The following VKORC1 variants were observed in gnomAD, a reference collection of about 807,000 sequenced individuals.
The protein encoded by VKORC1 is vitamin K epoxide reductase complex subunit 1.
In VKORC1, 12 loss-of-function variants were observed where a neutral mutation model predicts 14.8. The ratio of observed to expected loss-of-function variants is 0.81; its 90% CI spans 0.52 to 1.31. The LOEUF is 1.31. Among genes scored for constraint, VKORC1 ranks in the 50% most tolerant of loss-of-function variants. The pLI, the probability that VKORC1 is intolerant of heterozygous loss-of-function variation, is 0.00. For missense variants in VKORC1, 223 were observed against 215.3 expected (o/e 1.04, Z -0.22); for synonymous variants, 94 against 92.5 (o/e 1.02, Z -0.09).
chr16:31,093,332 T>C lies in VKORC1; in HGVS notation c.263A>G (p.Tyr88Cys). Reference protein sequence around the residue: ...QSNSIFGCIFYTLQLLLGCLR... With the variant: ...QSNSIFGCIFCTLQLLLGCLR... ...CTCACCTAACAATAGCTGTAGTGTG[T>C]AGAAGATGCAACCGAATATGCTGTT... The change falls in exon 2 of 3, where the codon TAC becomes TGC. Residue 88 changes from tyrosine to cysteine, a missense_variant. Coordinates refer to ENST00000394975, the MANE Select transcript of VKORC1 (RefSeq NM_024006.6). 1.2e-6 allele frequency: 2 copies of C among 1,613,964 alleles called. No homozygotes were observed. Among genetic ancestry groups the C allele is most frequent in the Non-Finnish European group, 1.7e-6 (2 of 1,180,010 alleles).
At chr16:31,093,180 GGACGCTCC>G (rs923716073) in intron 2 of VKORC1, 124 bp downstream of exon 2, 9 of 959,236 alleles carry the variant, frequency 9.4e-6, no homozygotes, top group African/African-American at 1.6e-5. Flanking sequence ...CCCACCCGCA[GGACGCTCC>G]GTGATGAGCA....
Position 31,094,560 on chromosome 16 carries a change from G to A in VKORC1, c.170C>T (p.Ser57Phe). The change falls in exon 1 of 3, where the codon TCC becomes TTC. Residue 57 changes from serine to phenylalanine, a missense_variant. Ser to Phe is a radical substitution (Grantham distance 155). Transcript: ENST00000394975. ...CGCCTCCCACTCCCGTGCACACCTG[G>A]AGGAGAAGACGCGCGAACAGCTGAT... Reference protein sequence around the residue: ...TAISCSRVFSSRWGRGFGLVE... With the variant: ...TAISCSRVFSFRWGRGFGLVE... 1 of 1,612,232 alleles carries A rather than the reference G, an allele frequency of 6.2e-7. No individual in the cohort carries two copies. Among genetic ancestry groups the A allele is most frequent in the South Asian group, 1.1e-5 (1 of 90,968 alleles).
Position 31,091,117 on chromosome 16 carries a change from T to G in VKORC1, c.*17A>C. On this transcript the variant is annotated 3_prime_UTR_variant, in exon 3 of 3. Transcript: ENST00000394975. Reference sequence around the variant, plus strand: ...CAAAGCAAAGCAGATGAGGTCAGCCTGGCTTGGGTTGAGGGCTCAGTGCCT... The same window carrying G: ...CAAAGCAAAGCAGATGAGGTCAGCCGGGCTTGGGTTGAGGGCTCAGTGCCT... 6.2e-7 allele frequency: 1 copy of G among 1,612,772 alleles called. No homozygotes were observed. The highest frequency in any genetic ancestry group is 1.9e-4 in the Middle Eastern group (1 of 5,280).
intron 2 of VKORC1, among the ~76,000 whole-genome samples, chr16:31,092,049 G>A (rs764365986): frequency 4.6e-5 from 7 of 151,886 alleles, no homozygotes; most frequent in Non-Finnish European, 8.8e-5. Flanking sequence ...GTGGTGACAC[G>A]CGCCTGTAGT....
chr16:31,091,364 G>A (rs745742409), intron 2 of VKORC1, 22 bp from the exon 3 acceptor site: 71 of 1,606,606 alleles, frequency 4.4e-5, no homozygotes, highest in South Asian at 3.9e-4. Flanking sequence ...AAGAGGGTCC[G>A]GTGTGGGCTT....
In VKORC1 at chr16:31,094,793, C is replaced by A; in HGVS notation, c.-64G>T. Reference sequence around the variant, plus strand: ...CAGCCACGGAGCAGGGGCCGGGCGGCGAATGGCCGCGCCCCTCCTGGCCCT... The same window carrying A: ...CAGCCACGGAGCAGGGGCCGGGCGGAGAATGGCCGCGCCCCTCCTGGCCCT... On this transcript the variant is annotated 5_prime_UTR_variant, in exon 1 of 3. Coordinates refer to ENST00000394975, the MANE Select transcript of VKORC1 (RefSeq NM_024006.6). 5 of 1,541,094 alleles carry A rather than the reference C, an allele frequency of 3.2e-6. No homozygotes were observed. Among genetic ancestry groups the A allele is most frequent in the Non-Finnish European group, 4.4e-6 (5 of 1,149,030 alleles).
intron 1 of VKORC1, 146 bp from the exon 2 acceptor site, chr16:31,093,567 C>T: frequency 2.0e-6 from 3 of 1,532,118 alleles, no homozygotes; most frequent in African/African-American, 1.4e-5. Context: ...GGTCGATGAT[C>T]TCCTGGCACC....
At chr16:31,091,444 A>T in intron 2 of VKORC1, 102 bp from the exon 3 acceptor site, 1 of 1,539,316 alleles carries the variant, frequency 6.5e-7, no homozygotes, top group Non-Finnish European at 8.7e-7. Flanking sequence ...GCTGCTGGGA[A>T]GGGTCTCTAA....
intron 1 of VKORC1, chr16:31,094,180 G>C: frequency 6.3e-7 from 1 of 1,577,638 alleles, no homozygotes; most frequent in Non-Finnish European, 8.6e-7. Flanking sequence ...ATCACGCACA[G>C]CCAGACCGGG....
At position 31,091,330 on chromosome 16, in the gene VKORC1, G is replaced by C. The variant is rs1055079532; in HGVS notation, c.296C>G (p.Thr99Arg). The C allele has an allele frequency of 1.2e-6, 2 of 1,613,752 alleles. No individual in the cohort carries two copies. Among genetic ancestry groups the C allele is most frequent in the Non-Finnish European group, 1.7e-6 (2 of 1,179,890 alleles). Residue 99 changes from threonine (T) to arginine (R), a missense_variant, in exon 3 of 3, where the codon ACA (threonine) becomes AGA (arginine). Thr to Arg is a moderately conservative substitution (Grantham distance 71). Coordinates refer to ENST00000394975, the MANE Select transcript of VKORC1 (RefSeq NM_024006.6). Reference sequence around the variant, plus strand: ...CAGCATCAGGACAGAGGCCCAGCGTGTCCGCAGGCAACCTGCAAGGCAGAA... The same window carrying C: ...CAGCATCAGGACAGAGGCCCAGCGTCTCCGCAGGCAACCTGCAAGGCAGAA... ...TLQLLLGCLR[T>R]RWASVLMLLS...
intron 1 of VKORC1, chr16:31,093,953 C>T (rs1487878860): frequency 2.2e-6 from 1 of 450,502 alleles, no homozygotes; most frequent in African/African-American, 2.0e-5. Context: ...ATCCATCCGC[C>T]TCGGCCTCCC....
chr16:31,090,955 G>A lies in VKORC1; in HGVS notation c.*179C>T, dbSNP rs1200655854. On this transcript the variant is annotated 3_prime_UTR_variant, in exon 3 of 3. Coordinates refer to ENST00000394975, the MANE Select transcript of VKORC1 (RefSeq NM_024006.6). Reference sequence around the variant, plus strand: ...GGGGACAGAGTCAGAGGCACTGGGTGTAAAAAAGAGCGAGCGTGTGGCACA... The same window carrying A: ...GGGGACAGAGTCAGAGGCACTGGGTATAAAAAAGAGCGAGCGTGTGGCACA... 2 of 1,019,048 alleles carry A rather than the reference G, an allele frequency of 2.0e-6. No homozygotes were observed. The highest frequency in any genetic ancestry group is 1.6e-5 in the African/African-American group (1 of 62,258). 63.1% of individuals were successfully genotyped at this position (1,019,048 alleles called of 1,614,324 possible).
At chr16:31,094,198 G>C (rs1272941213) in intron 1 of VKORC1, 3 of 1,592,742 alleles carry the variant, frequency 1.9e-6, no homozygotes, top group Non-Finnish European at 2.6e-6. Context: ...GGGCCACCTT[G>C]TTCCTGGGCG....
At position 31,094,645 on chromosome 16, in the gene VKORC1, C is replaced by G; in HGVS notation, c.85G>C (p.Val29Leu). 2 of 1,607,154 alleles carry G rather than the reference C, an allele frequency of 1.2e-6. No homozygotes were observed. Among genetic ancestry groups the G allele is most frequent in the African/African-American group, 2.7e-5 (2 of 75,016 alleles). ...GLVLSLYALH[V>L]KAARARDRDY... is the part of the protein sequence containing the mutation. ...CGGTCCCGGGCGCGCGCCGCCTTCA[C>G]GTGCAGCGCGTAGAGCGAGAGCACT... The change falls in exon 1 of 3, where the codon GTG (valine) becomes CTG (leucine). Residue 29 changes from valine to leucine, a missense_variant. Physicochemically the swap from Val to Leu is conservative, Grantham distance 32. Coordinates refer to ENST00000394975, the MANE Select transcript of VKORC1 (RefSeq NM_024006.6).
At position 31,092,463 on chromosome 16, in the gene VKORC1, T is replaced by A. The variant is rs1596796134; in HGVS notation, c.283+849A>T. Among the ~76,000 whole-genome samples, 4 of 152,240 alleles carry A rather than the reference T, an allele frequency of 2.6e-5. No homozygotes were observed. In the East Asian group the frequency reaches 7.7e-4, roughly 29 times the overall value. On this transcript the variant is annotated intron_variant, in intron 2 of 2. Transcript: ENST00000394975. ...AAATCGGCCAAGTCTGAACCATGTG[T>A]CAGCCAGGACCATGGTGCTGGGCCT...
At chr16:31,093,263 G>A (rs1329185868) in intron 2 of VKORC1, 49 bp downstream of exon 2, 1 of 1,564,528 alleles carries the variant, frequency 6.4e-7, no homozygotes, top group Non-Finnish European at 8.7e-7. Flanking sequence ...CTGACCAAGG[G>A]GGATGAGGGG....
intron 1 of VKORC1, 98 bp from the exon 2 acceptor site, chr16:31,093,519 G>A: frequency 6.3e-7 from 1 of 1,582,118 alleles, no homozygotes; most frequent in Non-Finnish European, 8.6e-7. Context: ...AGCCACCTGG[G>A]CTATCCTCTG....
Position 31,094,734 on chromosome 16 carries a change from T to G in VKORC1, c.-5A>C, listed in dbSNP as rs1278650761. The G allele has an allele frequency of 6.3e-7, 1 of 1,599,508 alleles. No individual in the cohort carries two copies. Among genetic ancestry groups the G allele is most frequent in the East Asian group, 2.2e-5 (1 of 44,464 alleles). ...GCTCCCCCAGGTGCTGCCCATTATC[T>G]CCAGGTTCCGCCCGAGGCGCCCGCG... is the stretch of plus-strand genomic sequence containing the variant. On this transcript the variant is annotated 5_prime_UTR_variant, in exon 1 of 3. Coordinates refer to ENST00000394975, the MANE Select transcript of VKORC1 (RefSeq NM_024006.6).
rs769111174 is a variant in VKORC1 at position 31,093,400 on chromosome 16, C to A, written c.195G>T (p.Leu65=). 6.2e-7 allele frequency: 1 copy of A among 1,614,158 alleles called. No homozygotes were observed. The highest frequency in any genetic ancestry group is 8.5e-7 in the Non-Finnish European group (1 of 1,180,022). Residue 65 remains leucine, a synonymous_variant, in exon 2 of 3, where the codon CTG becomes CTT. Coordinates refer to ENST00000394975, the MANE Select transcript of VKORC1 (RefSeq NM_024006.6). ...TGTCCTGTCCCAGCACATGCTCCACCAGCCCGAAACCCCTGCCCCACCTGG... is the reference window on the plus strand; with the variant it reads ...TGTCCTGTCCCAGCACATGCTCCACAAGCCCGAAACCCCTGCCCCACCTGG... ...FSSRWGRGFG[L]VEHVLGQDSI... is the part of the protein sequence containing the mutation.
Sources: allele counts gnomAD v4.1 joint callset (sites outside exome capture counted in the v4.1 genomes callset), GRCh38; gene constraint gnomAD v4.1.1; transcripts MANE v1.5; gene names NCBI Gene and HGNC (gene_info 2026-07-23, HGNC 2026-07-21).